LRP1B: variants seen among roughly 807,000 people sequenced by gnomAD.
The protein encoded by LRP1B is LDL receptor related protein 1B, also known as low-density lipoprotein receptor-related protein 1B.
LRP1B carries 217 observed loss-of-function variants against 556.6 expected under a neutral mutation model. The observed-to-expected ratio is 0.39, with a 90% confidence interval of 0.35 to 0.44. The LOEUF is 0.44. Ranked by LOEUF, LRP1B falls within the 20% of genes least tolerant of loss-of-function variation. The probability of loss-of-function intolerance (pLI) is 1.00; values close to 1 mark genes in which losing one functional copy is unlikely to be tolerated. For synonymous variants in LRP1B, 2,047 were observed against 1,865.8 expected (o/e 1.10, Z -2.50); for missense variants, 5,053 against 5,620.8 (o/e 0.90, Z 3.23).
intron 3 of LRP1B, among the ~76,000 whole-genome samples, chr2:141,397,007 G>A (rs576858561): frequency 6.7e-6 from 1 of 150,184 alleles, no homozygotes; most frequent in African/African-American, 2.5e-5. Context: ...CAACTACTCG[G>A]GAGGCTTAGG....
chr2:140,923,207 T>C (rs1694792499), intron 20 of LRP1B, 60 bp from the exon 21 acceptor site: 4 of 1,309,514 alleles, frequency 3.1e-6, no homozygotes, highest in Non-Finnish European at 4.3e-6. Flanking sequence ...GAAATTATGA[T>C]TTTACTTGTT....
chr2:140,512,324 T>G (rs1054374229), intron 51 of LRP1B, among the ~76,000 whole-genome samples: 3 of 152,144 alleles, frequency 2.0e-5, no homozygotes, highest in Non-Finnish European at 4.4e-5. Flanking sequence ...TGCCAAAACA[T>G]CATAGTCAAT....
At chr2:141,124,150 A>T (rs903508031) in intron 7 of LRP1B, among the ~76,000 whole-genome samples, 3 of 152,164 alleles carry the variant, frequency 2.0e-5, no homozygotes, top group Admixed American at 1.3e-4. Context: ...ATATGAAACA[A>T]AAGCATAAAA....
chr2:141,806,443 A>G (rs2105698659), intron 2 of LRP1B, among the ~76,000 whole-genome samples: 1 of 152,176 alleles, frequency 6.6e-6, no homozygotes, highest in East Asian at 1.9e-4. Context: ...TGCAGAAATA[A>G]AGGCTTTCAT....
intron 79 of LRP1B, among the ~76,000 whole-genome samples, chr2:140,333,969 T>C (rs950275440): frequency 2.1e-4 from 32 of 149,140 alleles, no homozygotes. Flanking sequence ...ATTAAAGCCA[T>C]ATTGAAAAGA....
intron 17 of LRP1B, among the ~76,000 whole-genome samples, chr2:140,988,413 T>C (rs575295700): frequency 1.8e-4 from 28 of 152,266 alleles, no homozygotes; most frequent in South Asian, 1.4e-3. Context: ...CCATGGATCC[T>C]CAGCAAATTT....
At chr2:141,107,750 A>G (rs1043268055) in intron 7 of LRP1B, among the ~76,000 whole-genome samples, 3 of 152,200 alleles carry the variant, frequency 2.0e-5, no homozygotes, top group Non-Finnish European at 4.4e-5. Flanking sequence ...GATTTTATTA[A>G]AAGTATTTCT....
chr2:140,471,321 C>CT (rs1687757888), intron 60 of LRP1B, among the ~76,000 whole-genome samples: 1 of 152,006 alleles, frequency 6.6e-6, no homozygotes, highest in Non-Finnish European at 1.5e-5. Context: ...TAGAATAGCA[C>CT]TTTTGCTCTT....
chr2:141,680,456 G>A (rs140212971), intron 2 of LRP1B, among the ~76,000 whole-genome samples: 2 of 152,070 alleles, frequency 1.3e-5, no homozygotes, highest in Non-Finnish European at 2.9e-5. Context: ...TGGGAACATA[G>A]GAAGAAATGG....
In LRP1B at chr2:140,511,377, A is replaced by C. The variant is rs76478748; in HGVS notation, c.8270-1321T>G. Among the ~76,000 whole-genome samples, 332 of 138,706 alleles carry C rather than the reference A, an allele frequency of 2.4e-3. 6 individuals carry two copies. In the East Asian group the frequency reaches 0.06, roughly 25 times the overall value. The allele number at this position is 138,706 out of a possible 152,430, so 91.0% of individuals were successfully genotyped here. On this transcript the variant is annotated intron_variant, in intron 51 of 90. Transcript: ENST00000389484. ...AGTGCGGTGGCGCGGTCTCGGCTCAATGCAAGCTCCGCCTCCCGGGTTCAC... is the reference window on the plus strand; with the variant it reads ...AGTGCGGTGGCGCGGTCTCGGCTCACTGCAAGCTCCGCCTCCCGGGTTCAC...
chr2:141,864,279 CA>C (rs1698336273), intron 1 of LRP1B, among the ~76,000 whole-genome samples: 1 of 152,112 alleles, frequency 6.6e-6, no homozygotes, highest in Non-Finnish European at 1.5e-5. Context: ...CTAATAAATA[CA>C]AAAGTTCATG....
At chr2:141,833,861 A>G (rs1486557065) in intron 1 of LRP1B, among the ~76,000 whole-genome samples, 1 of 149,122 alleles carries the variant, frequency 6.7e-6, no homozygotes, top group Non-Finnish European at 1.5e-5. Context: ...TGAGAAAAGG[A>G]AAGGCCTAAG....
At chr2:140,869,546 C>A (rs1038606050) in intron 25 of LRP1B, among the ~76,000 whole-genome samples, 6 of 151,890 alleles carry the variant, frequency 4.0e-5, no homozygotes, top group Admixed American at 3.3e-4. Flanking sequence ...AATAGTGAGG[C>A]AAGAGTACAA....
intron 7 of LRP1B, among the ~76,000 whole-genome samples, chr2:141,122,595 AAAC>A (rs938726167): frequency 1.6e-3 from 243 of 152,238 alleles, no homozygotes; most frequent in African/African-American, 5.4e-3. Context: ...AAAAGTCAGG[AAAC>A]AACAGGTGCT....
intron 1 of LRP1B, among the ~76,000 whole-genome samples, chr2:141,958,528 T>C (rs919167821): frequency 2.6e-5 from 4 of 152,016 alleles, no homozygotes; most frequent in Non-Finnish European, 4.4e-5. Flanking sequence ...CTAAAATGAA[T>C]ACATATTGTT....
chr2:141,264,123 C>T (rs1684800306), intron 3 of LRP1B, among the ~76,000 whole-genome samples: 1 of 152,040 alleles, frequency 6.6e-6, no homozygotes, highest in South Asian at 2.1e-4. Flanking sequence ...AGTTTAGGAA[C>T]ACAAATTAGA....
chr2:140,719,041 T>C (rs1263856664), intron 35 of LRP1B, among the ~76,000 whole-genome samples: 4 of 152,136 alleles, frequency 2.6e-5, no homozygotes, highest in African/African-American at 9.7e-5. Flanking sequence ...ACATTATATA[T>C]TTGTTGGTTT....
chr2:140,551,181 A>C (rs1680534907), intron 43 of LRP1B, among the ~76,000 whole-genome samples: 1 of 152,174 alleles, frequency 6.6e-6, no homozygotes, highest in African/African-American at 2.4e-5. Context: ...CTGAGCTAAA[A>C]GCCACACTTT....
intron 89 of LRP1B, among the ~76,000 whole-genome samples, chr2:140,236,045 C>T (rs915143952): frequency 2.0e-5 from 3 of 150,914 alleles, no homozygotes; most frequent in African/African-American, 7.3e-5. Flanking sequence ...GTTACCAAGA[C>T]TTTTTCCTTG....
Sources: allele counts gnomAD v4.1 joint callset (sites outside exome capture counted in the v4.1 genomes callset), GRCh38; gene constraint gnomAD v4.1.1; transcripts MANE v1.5; gene names NCBI Gene and HGNC (gene_info 2026-07-23, HGNC 2026-07-21).